PEX7: variants seen among roughly 807,000 people sequenced by gnomAD.
PEX7 encodes the protein peroxisomal biogenesis factor 7.
Under a neutral mutation model 47.5 loss-of-function variants are expected in PEX7, and 34 were observed. The ratio of observed to expected loss-of-function variants is 0.72; its 90% CI spans 0.54 to 0.95. PEX7 has a LOEUF of 0.95. Ranked by LOEUF, PEX7 falls within the 40% of genes least tolerant of loss-of-function variation. PEX7 has a pLI of 0.00. For missense variants in PEX7, 394 were observed against 400.3 expected (o/e 0.98, Z 0.13); for synonymous variants, 141 against 148.8 (o/e 0.95, Z 0.38).
chr6:136,902,424 T>G (rs1775768015), intron 9 of PEX7, among the ~76,000 whole-genome samples: 1 of 152,228 alleles, frequency 6.6e-6, no homozygotes, highest in Admixed American at 6.5e-5. Context: ...ATTCATATAT[T>G]ACACCACCTT....
intron 9 of PEX7, among the ~76,000 whole-genome samples, chr6:136,904,510 G>A (rs1276004092): frequency 1.3e-5 from 2 of 152,122 alleles, no homozygotes; most frequent in Non-Finnish European, 2.9e-5. Context: ...CATGTGTCAT[G>A]GGAGGAACCC....
chr6:136,834,701 G>A (rs535337724), intron 3 of PEX7, among the ~76,000 whole-genome samples: 1 of 152,294 alleles, frequency 6.6e-6, no homozygotes, highest in Non-Finnish European at 1.5e-5. Context: ...TGGATGGTGG[G>A]GGTTGGACTT....
intron 9 of PEX7, among the ~76,000 whole-genome samples, chr6:136,899,080 CTTTTTTTTTTTTT>C (rs71547049): frequency 1.8e-5 from 2 of 111,978 alleles, no homozygotes; most frequent in South Asian, 5.8e-4. Flanking sequence ...TTTTTCTTTT[CTTTTTTTTTTTTT>C]TTTTTGAGAC....
intron 5 of PEX7, among the ~76,000 whole-genome samples, chr6:136,847,147 G>C (rs1170820981): frequency 1.3e-5 from 2 of 152,186 alleles, no homozygotes; most frequent in South Asian, 4.1e-4. Context: ...CTTCTTTTGA[G>C]AAGTGTCTGT....
chr6:136,884,483 A>G (rs1582769502), intron 8 of PEX7, among the ~76,000 whole-genome samples: 1 of 152,208 alleles, frequency 6.6e-6, no homozygotes, highest in Admixed American at 6.5e-5. Flanking sequence ...CTTTTTAAAT[A>G]TAAGTTTTTA....
chr6:136,900,705 C>A lies in PEX7; in HGVS notation c.903+2464C>A. On this transcript the variant is annotated intron_variant, in intron 9 of 9. Transcript: ENST00000318471. The surrounding 1 kb of genome is among the most constrained non-coding windows in gnomAD (Gnocchi z 4.2). Reference sequence around the variant, plus strand: ...TGGGATCCACGTCATGTGCAGTCACCGCCAGCTGAGCCTTCTTCTTCTCCA... The same window carrying A: ...TGGGATCCACGTCATGTGCAGTCACAGCCAGCTGAGCCTTCTTCTTCTCCA... The A allele has an allele frequency of 2.9e-6, 1 of 340,496 alleles. No homozygotes were observed. The highest frequency in any genetic ancestry group is 9.8e-5 in the East Asian group (1 of 10,222). The allele number at this position is 340,496 out of a possible 1,614,324, so 21.1% of individuals were successfully genotyped here. A position where few individuals can be genotyped will look rare whatever the true frequency, so the allele number is the denominator to read the frequency against.
At chr6:136,877,534 C>T (rs1170597179) in intron 8 of PEX7, among the ~76,000 whole-genome samples, 1 of 152,164 alleles carries the variant, frequency 6.6e-6, no homozygotes, top group Non-Finnish European at 1.5e-5. Context: ...CTGCATATGG[C>T]TAACCAGTTT....
chr6:136,885,930 A>G (rs1775460985), intron 8 of PEX7, among the ~76,000 whole-genome samples: 1 of 152,170 alleles, frequency 6.6e-6, no homozygotes, highest in Admixed American at 6.5e-5. Context: ...GGAGATGCTA[A>G]TAGTACCCAC....
intron 8 of PEX7, among the ~76,000 whole-genome samples, chr6:136,893,785 A>G (rs937465120): frequency 6.6e-6 from 1 of 152,250 alleles, no homozygotes; most frequent in Admixed American, 6.5e-5. Flanking sequence ...AAGACATTGA[A>G]AAATAGCCAG....
At chr6:136,860,119 C>T (rs1233006820) in intron 5 of PEX7, among the ~76,000 whole-genome samples, 1 of 152,014 alleles carries the variant, frequency 6.6e-6, no homozygotes. Flanking sequence ...CATCACAGGG[C>T]CCTGATAAAT....
At position 136,822,606 on chromosome 6, in the gene PEX7, G is replaced by A; in HGVS notation, c.-60G>A. ...CTGGTCTCTCTAACCGCGCCAGTGTGCCTCCGACTCGGAACGGCTTCCGCG... is the reference window on the plus strand; with the variant it reads ...CTGGTCTCTCTAACCGCGCCAGTGTACCTCCGACTCGGAACGGCTTCCGCG... On this transcript the variant is annotated 5_prime_UTR_variant, in exon 1 of 10. Coordinates refer to ENST00000318471, the MANE Select transcript of PEX7 (RefSeq NM_000288.4). 6.9e-7 allele frequency: 1 copy of A among 1,456,238 alleles called. No individual in the cohort carries two copies. The highest frequency in any genetic ancestry group is 2.0e-5 in the Admixed American group (1 of 50,452). The allele number at this position is 1,456,238 out of a possible 1,614,324, so 90.2% of individuals were successfully genotyped here.
chr6:136,892,588 T>G (rs1775575416), intron 8 of PEX7, among the ~76,000 whole-genome samples: 1 of 152,218 alleles, frequency 6.6e-6, no homozygotes, highest in Non-Finnish European at 1.5e-5. Flanking sequence ...ATTCATTCAT[T>G]CATTCATTCA....
chr6:136,863,143 T>C (rs572894883), intron 5 of PEX7, among the ~76,000 whole-genome samples: 1 of 152,228 alleles, frequency 6.6e-6, no homozygotes, highest in Non-Finnish European at 1.5e-5. Flanking sequence ...TTCAAACTTA[T>C]CATTCATTTT....
At chr6:136,877,218 C>T (rs570491356) in intron 8 of PEX7, among the ~76,000 whole-genome samples, 135 of 151,668 alleles carry the variant, frequency 8.9e-4, no homozygotes, top group African/African-American at 3.2e-3. Flanking sequence ...ATATTAGCCC[C>T]TTGTGAGATG....
rs55916405 is a variant in PEX7 at position 136,872,416 on chromosome 6, C to T, written c.803+163C>T. 0.05 allele frequency among the ~76,000 whole-genome samples: 7,612 copies of T among 152,052 alleles called. 682 individuals are homozygous for T. Among genetic ancestry groups the T allele is most frequent in the African/African-American group, 0.17 (7,249 of 41,478 alleles). On this transcript the variant is annotated intron_variant, in intron 8 of 9. Coordinates refer to ENST00000318471, the MANE Select transcript of PEX7 (RefSeq NM_000288.4). The stretch of plus-strand genomic sequence containing the variant: ...ATTAATATTATATTTTTCCTGTTTT[C>T]GTGATCCAGTCACATATATGAGTAA...
chr6:136,910,514 C>T lies in PEX7; in HGVS notation c.904-2944C>T, dbSNP rs534286018. On this transcript the variant is annotated intron_variant, in intron 9 of 9. Transcript: ENST00000318471. The stretch of plus-strand genomic sequence containing the variant: ...CATGCTTGGATTTGAGGTGTGAGCC[C>T]GGTGCAATGAGAAATGAAATGGGAA... 5.9e-5 allele frequency among the ~76,000 whole-genome samples: 9 copies of T among 152,122 alleles called. No individual in the cohort carries two copies. In the South Asian group the frequency reaches 1.0e-3, roughly 18 times the overall value.
rs1774593436 is a variant in PEX7 at position 136,846,084 on chromosome 6, T to G, written c.429T>G (p.Thr143=). 6.2e-7 allele frequency: 1 copy of G among 1,608,024 alleles called. No homozygotes were observed. Among genetic ancestry groups the G allele is most frequent in the East Asian group, 2.2e-5 (1 of 44,826 alleles). ...WDQTVKLWDP[T]VGKSLCTFRG... ...TCATTTATTTGTAGTGGGATCCAAC[T>G]GTTGGAAAGTCTCTGTGCACCTTTA... Residue 143 remains threonine, a synonymous_variant, in exon 5 of 10, where the codon ACT becomes ACG. Coordinates refer to ENST00000318471, the MANE Select transcript of PEX7 (RefSeq NM_000288.4).
rs931113307 is a variant in PEX7, at chr6:136,882,468, G to A, written c.803+10215G>A. ...GCTGGGATTATAGGCGTGAGCCCCCGCACCTGGCCCTTTGCCTCTCTTCTA... is the reference window on the plus strand; with the variant it reads ...GCTGGGATTATAGGCGTGAGCCCCCACACCTGGCCCTTTGCCTCTCTTCTA... On this transcript the variant is annotated intron_variant, in intron 8 of 9. Coordinates refer to ENST00000318471, the MANE Select transcript of PEX7 (RefSeq NM_000288.4). Among the ~76,000 whole-genome samples, 14 of 151,844 alleles carry A rather than the reference G, an allele frequency of 9.2e-5. No homozygotes were observed. The East Asian group carries it at 1.9e-3, about 21-fold the overall frequency.
intron 5 of PEX7, among the ~76,000 whole-genome samples, chr6:136,858,345 A>T (rs559948767): frequency 6.6e-6 from 1 of 152,322 alleles, no homozygotes; most frequent in East Asian, 1.9e-4. Context: ...TGCAGTGTAT[A>T]TGTGCTGTAA....
Sources: gnomAD v4.1 joint callset for allele counts (sites outside exome capture counted in the v4.1 genomes callset) on GRCh38, gnomAD v4.1.1 for gene constraint, Gnocchi (gnomAD v3.1) non-coding constraint, MANE v1.5 for transcripts, NCBI Gene and HGNC (gene_info 2026-07-23, HGNC 2026-07-21) for gene names.